Variants in LTBP1 observed in about 807,000 individuals in gnomAD.
The protein encoded by LTBP1 is latent transforming growth factor beta binding protein 1.
A neutral mutation model predicts 207.6 loss-of-function variants in LTBP1; 129 were observed. The observed-to-expected ratio is 0.62, with a 90% CI of 0.54 to 0.72. LTBP1 has a LOEUF of 0.72. Among genes scored for constraint, LTBP1 ranks in the 30% least tolerant of loss-of-function variants. LTBP1 has a pLI of 0.00. For missense variants in LTBP1, 2,281 were observed against 2,217.2 expected (o/e 1.03, Z -0.58); for synonymous variants, 963 against 833.7 (o/e 1.16, Z -2.67).
chr2:33,342,975 G>A lies in LTBP1; in HGVS notation c.3856+12G>A, dbSNP rs932523932. 6 of 1,606,084 alleles carry A rather than the reference G, an allele frequency of 3.7e-6. No homozygotes were observed. The highest frequency in any genetic ancestry group is 5.1e-6 in the Non-Finnish European group (6 of 1,176,006). ...GCAAGGGTGTGTGGGTGAGTTTTTA[G>A]ATTTTTTCCCAACGTGTTTCACATG... is the stretch of plus-strand genomic sequence containing the variant. On this transcript the variant is annotated intron_variant, in intron 25 of 33. Coordinates refer to ENST00000404816, the MANE Select transcript of LTBP1 (RefSeq NM_206943.4).
chr2:33,239,096 A>C (rs10173416), intron 9 of LTBP1, among the ~76,000 whole-genome samples: 9,951 of 152,280 alleles, frequency 0.065, 710 homozygotes, highest in African/African-American at 0.18. Context: ...GAAGAAAAGC[A>C]GTTTTGTGTT....
chr2:33,295,757 T>C (rs2093862472), intron 20 of LTBP1, among the ~76,000 whole-genome samples: 1 of 152,192 alleles, frequency 6.6e-6, no homozygotes, highest in South Asian at 2.1e-4. Context: ...GTAAACATTT[T>C]CTTCTTAAGT....
Position 32,948,873 on chromosome 2 carries a change from A to G in LTBP1, c.495-2A>G. On this transcript the variant is annotated splice_acceptor_variant, in intron 1 of 33. Coordinates refer to ENST00000404816, the MANE Select transcript of LTBP1 (RefSeq NM_206943.4). LOFTEE classifies it high-confidence loss of function. The stretch of plus-strand genomic sequence containing the variant: ...GGACTCAGCGATCTTGCTTTGTTTC[A>G]GGGTCAATGTCTGTGGAGGGCGGTG... 6.2e-7 allele frequency: 1 copy of G among 1,614,012 alleles called. No homozygotes were observed. Among genetic ancestry groups the G allele is most frequent in the African/African-American group, 1.3e-5 (1 of 75,018 alleles).
Position 33,040,994 on chromosome 2 carries a change from T to C in LTBP1, c.863+19788T>C, listed in dbSNP as rs942861735. On this transcript the variant is annotated intron_variant, in intron 3 of 33. Coordinates refer to ENST00000404816, the MANE Select transcript of LTBP1 (RefSeq NM_206943.4). Reference sequence around the variant, plus strand: ...GCTGACTGTCAGACTGCCTCACAACTACCCCACCGTTAATACCTTCCTTTT... The same window carrying C: ...GCTGACTGTCAGACTGCCTCACAACCACCCCACCGTTAATACCTTCCTTTT... Among the ~76,000 whole-genome samples the C allele has an allele frequency of 5.3e-5, 8 of 152,214 alleles. No homozygotes were observed. The South Asian group carries it at 1.5e-3, about 28-fold the overall frequency.
At chr2:33,082,062 C>T (rs2078443708) in intron 3 of LTBP1, among the ~76,000 whole-genome samples, 1 of 152,156 alleles carries the variant, frequency 6.6e-6, no homozygotes, top group Non-Finnish European at 1.5e-5. Flanking sequence ...ATTGCCACTG[C>T]AGCAGTCTTA....
intron 3 of LTBP1, among the ~76,000 whole-genome samples, chr2:33,048,147 G>T (rs532088229): frequency 6.6e-6 from 1 of 152,300 alleles, no homozygotes; most frequent in South Asian, 2.1e-4. Flanking sequence ...GAGATCTGTT[G>T]TAAGGATAAG....
chr2:33,305,790 TGAA>T (rs2094080358), intron 22 of LTBP1, among the ~76,000 whole-genome samples: 1 of 152,072 alleles, frequency 6.6e-6, no homozygotes, highest in Non-Finnish European at 1.5e-5. Flanking sequence ...AAGTGGCAAG[TGAA>T]GAAGGAGAAA....
At chr2:33,050,826 C>T (rs559355356) in intron 3 of LTBP1, among the ~76,000 whole-genome samples, 22 of 151,994 alleles carry the variant, frequency 1.4e-4, no homozygotes, top group East Asian at 1.9e-4. Context: ...CTCCGCCTCC[C>T]GGGTTCAAGC....
At chr2:33,138,939 A>G (rs1038273337) in intron 5 of LTBP1, among the ~76,000 whole-genome samples, 2 of 137,118 alleles carry the variant, frequency 1.5e-5, no homozygotes, top group South Asian at 2.3e-4. Flanking sequence ...GCTCACTGCA[A>G]GCTCCGCCTC....
At chr2:33,236,151 G>A (rs1386566173) in intron 9 of LTBP1, among the ~76,000 whole-genome samples, 2 of 152,196 alleles carry the variant, frequency 1.3e-5, no homozygotes, top group African/African-American at 4.8e-5. Flanking sequence ...CGGTCAACCA[G>A]ACTTGATAAT....
At chr2:32,983,108 G>A (rs916395754) in intron 2 of LTBP1, among the ~76,000 whole-genome samples, 4 of 152,226 alleles carry the variant, frequency 2.6e-5, no homozygotes, top group Non-Finnish European at 2.9e-5. Flanking sequence ...ATCCTGCAAA[G>A]CCACAGGGGT....
chr2:33,388,455 C>G (rs1364424024), intron 31 of LTBP1, among the ~76,000 whole-genome samples: 1 of 152,222 alleles, frequency 6.6e-6, no homozygotes, highest in Non-Finnish European at 1.5e-5. Context: ...TGTAACCTCT[C>G]TGTGCTTTTG....
At chr2:33,228,397 G>T (rs2091573271) in intron 9 of LTBP1, among the ~76,000 whole-genome samples, 1 of 152,180 alleles carries the variant, frequency 6.6e-6, no homozygotes, top group Non-Finnish European at 1.5e-5. Flanking sequence ...GAGACCTAGA[G>T]AGGCTAAGTC....
At position 33,142,006 on chromosome 2, in the gene LTBP1, A is replaced by T. The variant is rs1572830519; in HGVS notation, c.1201+7046A>T. ...CTTGGTGATTTATAATAAAAAGTAA[A>T]GGTCTTAGATTTAAAAAAGGTTATC... On this transcript the variant is annotated intron_variant, in intron 5 of 33. Coordinates refer to ENST00000404816, the MANE Select transcript of LTBP1 (RefSeq NM_206943.4). Among the ~76,000 whole-genome samples the T allele has an allele frequency of 2.0e-5, 3 of 152,158 alleles. No homozygotes were observed. The East Asian group carries it at 5.8e-4, about 29-fold the overall frequency.
At chr2:33,271,240 A>G (rs774419689) in intron 15 of LTBP1, among the ~76,000 whole-genome samples, 6 of 152,068 alleles carry the variant, frequency 3.9e-5, no homozygotes, top group Non-Finnish European at 8.8e-5. Flanking sequence ...AAAACCCCAG[A>G]TTTATAGCCT....
intron 5 of LTBP1, among the ~76,000 whole-genome samples, chr2:33,157,042 G>T (rs529162156): frequency 4.1e-4 from 62 of 152,316 alleles, no homozygotes; most frequent in African/African-American, 1.4e-3. Flanking sequence ...GGTGACTGAA[G>T]AGCAGAGGTT....
chr2:33,121,657 G>A (rs974255100), intron 4 of LTBP1, among the ~76,000 whole-genome samples: 4 of 152,286 alleles, frequency 2.6e-5, no homozygotes, highest in Non-Finnish European at 2.9e-5. Context: ...TGGCTGGAGC[G>A]CGCATCTGCT....
chr2:33,088,323 G>A (rs528665414), intron 3 of LTBP1, among the ~76,000 whole-genome samples: 11 of 152,096 alleles, frequency 7.2e-5, no homozygotes, highest in Non-Finnish European at 1.6e-4. Flanking sequence ...ATGGTGGCGC[G>A]TGCCTGTAAT....
At chr2:32,991,803 A>G (rs747625860) in intron 2 of LTBP1, among the ~76,000 whole-genome samples, 5 of 152,212 alleles carry the variant, frequency 3.3e-5, no homozygotes, top group African/African-American at 4.8e-5. Flanking sequence ...GCCACAGGCA[A>G]CTTAGCCTGC....
Sources: allele counts gnomAD v4.1 joint callset (sites outside exome capture counted in the v4.1 genomes callset), GRCh38; gene constraint gnomAD v4.1.1; transcripts MANE v1.5; gene names NCBI Gene and HGNC (gene_info 2026-07-23, HGNC 2026-07-21).